Variants in SLC9A7 observed in about 807,000 individuals in gnomAD.
The protein encoded by SLC9A7 is solute carrier family 9 member A7.
A neutral mutation model predicts 52.6 loss-of-function variants in SLC9A7; 19 were observed. The ratio of observed to expected loss-of-function variants is 0.36; its 90% confidence interval spans 0.25 to 0.53. The LOEUF is 0.53. Ranked by LOEUF, SLC9A7 falls within the 20% of genes least tolerant of loss-of-function variation. The pLI, the probability that SLC9A7 is intolerant of heterozygous loss-of-function variation, is 0.91. For synonymous variants in SLC9A7, 226 were observed against 252.1 expected (o/e 0.90, Z 0.98); for missense variants, 455 against 597.9 (o/e 0.76, Z 2.49).
intron 7 of SLC9A7, 38 bp from the exon 8 acceptor site, chrX:46,653,752 G>A (rs748778731): frequency 1.9e-6 from 2 of 1,043,341 alleles, no homozygotes; most frequent in East Asian, 3.1e-5. Flanking sequence ...CCAGGTACAT[G>A]TATCAGGGCC....
rs765296889 is a variant in SLC9A7 at position 46,635,598 on chromosome X, T to C, written c.1667A>G (p.Gln556Arg). 11 of 1,207,649 alleles carry C rather than the reference T, an allele frequency of 9.1e-6. No homozygotes were observed. The highest frequency in any genetic ancestry group is 2.2e-5 in the Admixed American group (1 of 45,752). Residue 556 changes from glutamine to arginine, a missense_variant, in exon 13 of 17, where the codon CAG (glutamine) becomes CGG (arginine). This residue lies in a region of SLC9A7 where 146 missense variants were observed against 160.5 expected (regional missense o/e 0.91). Transcript: ENST00000616978. ...SEEDQNEHHW[Q>R]YFRVGVDPDQ... ...GATGCCCTTGTGTCACCTGAAGTAC[T>C]GCCAGTGGTGTTCATTCTGGTCCTC...
chrX:46,621,198 T>C, intron 14 of SLC9A7, 139 bp from the exon 15 acceptor site: 1 of 383,064 alleles, frequency 2.6e-6, no homozygotes, highest in Non-Finnish European at 4.5e-6. Flanking sequence ...TTCAAAGATA[T>C]ATTGGGAGGT....
rs191550224 is a variant in SLC9A7 at position 46,731,709 on chromosome X, A to T, written c.325+26996T>A. ...AGGAGGAAATACATAAGCAAAGCTAAAAAGGAAAAACAGAAAAAATATTTG... is the reference window on the plus strand; with the variant it reads ...AGGAGGAAATACATAAGCAAAGCTATAAAGGAAAAACAGAAAAAATATTTG... On this transcript the variant is annotated intron_variant, in intron 1 of 16. Transcript: ENST00000616978. 3.5e-3 allele frequency among the ~76,000 whole-genome samples: 391 copies of T among 111,634 alleles called. 1 individual carries two copies. Among genetic ancestry groups the T allele is most frequent in the African/African-American group, 0.012 (361 of 30,939 alleles).
chrX:46,619,900 G>A (rs184588344), intron 15 of SLC9A7, among the ~76,000 whole-genome samples: 3 of 111,382 alleles, frequency 2.7e-5, no homozygotes, highest in African/African-American at 6.5e-5. Flanking sequence ...GCCTCCCAAA[G>A]TACTGGGACT....
chrX:46,629,437 A>T (rs1227486946), intron 14 of SLC9A7, among the ~76,000 whole-genome samples: 1 of 112,385 alleles, frequency 8.9e-6, no homozygotes, highest in East Asian at 2.8e-4. Flanking sequence ...CAGAAAAGTG[A>T]CAGTAAGCTT....
rs1226570591 is a variant in SLC9A7 at position 46,604,263 on chromosome X, G to A, written c.*2689C>T. 1 of 111,886 alleles carries A rather than the reference G, an allele frequency of 8.9e-6. No individual in the cohort carries two copies. Among genetic ancestry groups the A allele is most frequent in the Non-Finnish European group, 1.9e-5 (1 of 53,221 alleles). 9.2% of individuals were successfully genotyped at this position (111,886 alleles called of 1,213,427 possible). A position where few individuals can be genotyped will look rare whatever the true frequency, so the allele number is the denominator to read the frequency against. ...AAAGCTCTTTCTCTGGCTGTGGGGT[G>A]TAGGTCTTATTCTTAAGTCCTTCAC... On this transcript the variant is annotated 3_prime_UTR_variant, in exon 17 of 17. Coordinates refer to ENST00000616978, the MANE Select transcript of SLC9A7 (RefSeq NM_001257291.2).
intron 5 of SLC9A7, among the ~76,000 whole-genome samples, chrX:46,665,026 G>A (rs1310225359): frequency 1.8e-5 from 2 of 111,414 alleles, no homozygotes; most frequent in African/African-American, 6.5e-5. Context: ...ACCGTTCTGT[G>A]CCCCTCCTGA....
intron 16 of SLC9A7, among the ~76,000 whole-genome samples, chrX:46,609,950 C>T (rs1288653890): frequency 8.1e-5 from 9 of 111,006 alleles, no homozygotes; most frequent in Admixed American, 1.9e-4. Context: ...ATCGCTTGAA[C>T]CCGGGAGGCA....
chrX:46,739,448 ATCTCTC>A (rs531899878), intron 1 of SLC9A7, among the ~76,000 whole-genome samples: 2 of 104,979 alleles, frequency 1.9e-5, no homozygotes, highest in Non-Finnish European at 3.9e-5. Context: ...GACTCCTATC[ATCTCTC>A]TCTCTCTCTC....
chrX:46,639,801 A>G (rs747162098), intron 12 of SLC9A7, among the ~76,000 whole-genome samples: 1 of 110,984 alleles, frequency 9.0e-6, no homozygotes, highest in African/African-American at 3.3e-5. Flanking sequence ...CTACCAAAAA[A>G]AAAAAAAAGG....
chrX:46,633,190 C>G (rs5906248), intron 13 of SLC9A7, among the ~76,000 whole-genome samples: 2 of 107,227 alleles, frequency 1.9e-5, no homozygotes, highest in Non-Finnish European at 3.9e-5. Flanking sequence ...AGCAGAGAGT[C>G]TAAAAGAACC....
chrX:46,661,753 C>G (rs1479857961), intron 7 of SLC9A7, among the ~76,000 whole-genome samples: 1 of 111,649 alleles, frequency 9.0e-6, no homozygotes, highest in South Asian at 3.7e-4. Context: ...GATGCTCCAA[C>G]TGGATCACAA....
intron 12 of SLC9A7, among the ~76,000 whole-genome samples, chrX:46,636,415 C>T (rs774332838): frequency 2.5e-3 from 280 of 110,580 alleles, no homozygotes; most frequent in Non-Finnish European, 4.4e-3. Flanking sequence ...ACAGAGTCTC[C>T]GGCTTTCACC....
chrX:46,675,060 AAT>A (rs1491457591), intron 3 of SLC9A7, among the ~76,000 whole-genome samples: 2 of 39,877 alleles, frequency 5.0e-5, no homozygotes, highest in Non-Finnish European at 1.1e-4. Flanking sequence ...AGAGAGAGTG[AAT>A]GTGTGTGTGT....
At chrX:46,745,388 G>T (rs1239466968) in intron 1 of SLC9A7, among the ~76,000 whole-genome samples, 1 of 111,754 alleles carries the variant, frequency 8.9e-6, no homozygotes, top group Non-Finnish European at 1.9e-5. Context: ...CTTGAAAAAT[G>T]TTGTAAGGTA....
At chrX:46,686,130 G>A (rs1163264850) in intron 1 of SLC9A7, among the ~76,000 whole-genome samples, 1 of 112,061 alleles carries the variant, frequency 8.9e-6, no homozygotes, top group Non-Finnish European at 1.9e-5. Context: ...ACCAGATGAC[G>A]AATATTGCTT....
chrX:46,706,543 TC>T (rs1349053585), intron 1 of SLC9A7, among the ~76,000 whole-genome samples: 1 of 110,887 alleles, frequency 9.0e-6, no homozygotes, highest in Non-Finnish European at 1.9e-5. Context: ...CACAGAGTTC[TC>T]CCATGGTGTT....
Position 46,603,075 on chromosome X carries a change from G to C in SLC9A7, c.*3877C>G, listed in dbSNP as rs1208149044. The C allele has an allele frequency of 8.9e-6, 1 of 111,818 alleles. No homozygotes were observed. Among genetic ancestry groups the C allele is most frequent in the African/African-American group, 3.2e-5 (1 of 30,800 alleles). The allele number at this position is 111,818 out of a possible 1,213,427, so 9.2% of individuals were successfully genotyped here. The stretch of plus-strand genomic sequence containing the variant: ...AAAGGCAAGAAAGGGAGACCAGCCT[G>C]CATTTCCAGCTTCCTAACACACAAA... On this transcript the variant is annotated 3_prime_UTR_variant, in exon 17 of 17. Coordinates refer to ENST00000616978, the MANE Select transcript of SLC9A7 (RefSeq NM_001257291.2).
intron 1 of SLC9A7, among the ~76,000 whole-genome samples, chrX:46,707,175 G>T (rs1297117316): frequency 8.9e-6 from 1 of 112,229 alleles, no homozygotes; most frequent in Admixed American, 9.5e-5. Flanking sequence ...GGCTTCCAAT[G>T]GCTCCTCGCC....
Sources: gnomAD v4.1 joint callset for allele counts (sites outside exome capture counted in the v4.1 genomes callset) on GRCh38, gnomAD v4.1.1 for gene constraint, gnomAD v4.1.1 regional missense constraint, MANE v1.5 for transcripts, NCBI Gene and HGNC (gene_info 2026-07-23, HGNC 2026-07-21) for gene names.